Variants in EIPR1 observed in about 807,000 individuals in gnomAD.
EIPR1 encodes the protein EARP and GARP complex-interacting protein 1.
EIPR1 carries 25 observed loss-of-function variants against 48.1 expected under a neutral mutation model. The observed-to-expected ratio is 0.52, with a 90% CI of 0.38 to 0.73. EIPR1 has a LOEUF of 0.73. Ranked by LOEUF, EIPR1 falls within the 30% of genes least tolerant of loss-of-function variation. The pLI is 0.00. For missense variants in EIPR1, 415 were observed against 506.2 expected (o/e 0.82, Z 1.73); for synonymous variants, 204 against 201.9 (o/e 1.01, Z -0.09).
Position 3,257,643 on chromosome 2 carries a change from G to A in EIPR1, c.260-188C>T, listed in dbSNP as rs147043980. ...TGAGTCGGCAGGCAGAACCCGGCAC[G>A]GTTCGTAATCAGCATCCTGTTCCCC... On this transcript the variant is annotated intron_variant, in intron 3 of 8. Transcript: ENST00000382125. The A allele has an allele frequency of 9.7e-4, 521 of 539,128 alleles. 3 individuals are homozygous for A. Among genetic ancestry groups the A allele is most frequent in the Middle Eastern group, 2.0e-3 (4 of 2,000 alleles). The allele number at this position is 539,128 out of a possible 1,614,324, so 33.4% of individuals were successfully genotyped here.
At chr2:3,346,082 C>T (rs1297332277) in intron 2 of EIPR1, among the ~76,000 whole-genome samples, 1 of 152,238 alleles carries the variant, frequency 6.6e-6, no homozygotes, top group Admixed American at 6.5e-5. Context: ...GAAGTAGTGA[C>T]AGACACCCTG....
chr2:3,346,144 C>G (rs1050984286), intron 2 of EIPR1, among the ~76,000 whole-genome samples: 2 of 152,386 alleles, frequency 1.3e-5, no homozygotes, highest in Admixed American at 1.3e-4. Flanking sequence ...GGAGGGCCAC[C>G]ACTCGGGAGC....
At chr2:3,218,482 G>A (rs551490471) in intron 4 of EIPR1, among the ~76,000 whole-genome samples, 47 of 148,650 alleles carry the variant, frequency 3.2e-4, no homozygotes, top group African/African-American at 1.1e-3. Flanking sequence ...TGAGTCAGGT[G>A]CACACCCAGC....
intron 4 of EIPR1, among the ~76,000 whole-genome samples, chr2:3,218,362 TCA>T (rs1229505900): frequency 6.7e-6 from 1 of 149,392 alleles, no homozygotes; most frequent in East Asian, 2.0e-4. Context: ...TCTAGAGCTT[TCA>T]CAGTGAGTCA....
At chr2:3,200,292 C>T (rs1043567363) in intron 5 of EIPR1, among the ~76,000 whole-genome samples, 1 of 152,154 alleles carries the variant, frequency 6.6e-6, no homozygotes, top group African/African-American at 2.4e-5. Context: ...CAGGTCCCTG[C>T]CCAGCCTGGC....
intron 3 of EIPR1, among the ~76,000 whole-genome samples, chr2:3,268,175 T>C (rs1667550014): frequency 6.6e-6 from 1 of 152,082 alleles, no homozygotes; most frequent in Non-Finnish European, 1.5e-5. Flanking sequence ...ATCCAGAGAC[T>C]GGCACCCCAA....
At chr2:3,351,273 T>C (rs4854178) in intron 2 of EIPR1, among the ~76,000 whole-genome samples, 151,078 of 152,106 alleles carry the variant, frequency 0.99, 75,032 homozygotes, top group East Asian at 1. Flanking sequence ...AGTGCTGGGA[T>C]TACATGCGTG....
intron 3 of EIPR1, among the ~76,000 whole-genome samples, chr2:3,263,601 G>A (rs1667399783): frequency 6.6e-6 from 1 of 152,190 alleles, no homozygotes; most frequent in East Asian, 1.9e-4. Context: ...TAGGTGAGCC[G>A]GGTTCATGCA....
chr2:3,198,028 G>A (rs1664870655), intron 5 of EIPR1, among the ~76,000 whole-genome samples: 1 of 152,234 alleles, frequency 6.6e-6, no homozygotes, highest in South Asian at 2.1e-4. Flanking sequence ...GCCAGGGCAG[G>A]TTGGGTACCC....
chr2:3,319,704 C>CGG (rs1669439363), intron 3 of EIPR1: 1 of 180,452 alleles, frequency 5.5e-6, no homozygotes. Context: ...ACCACCCCTG[C>CGG]AGGCAACACC....
chr2:3,356,701 G>C (rs1355943694), intron 1 of EIPR1, among the ~76,000 whole-genome samples: 2 of 152,156 alleles, frequency 1.3e-5, no homozygotes, highest in Non-Finnish European at 2.9e-5. Flanking sequence ...TTATTTAATC[G>C]CATGGGTCAC....
rs532513030 is a variant in EIPR1 at position 3,361,360 on chromosome 2, AAGGAAACAGAGCCATCTCTGGCTTCC to A, written c.43-6753_43-6728del. On this transcript the variant is annotated intron_variant, in intron 1 of 8. Transcript: ENST00000382125. ...GAAAGAACTCACTTCACAGGTCCCC[AAGGAAACAGAGCCATCTCTGGCTTCC>A]AGGAAACCCCCATAGCAGCCATTCT... Among the ~76,000 whole-genome samples, 712 of 152,112 alleles carry A rather than the reference AAGGAAACAGAGCCATCTCTGGCTTCC, an allele frequency of 4.7e-3. 4 individuals are homozygous for A. Among genetic ancestry groups the A allele is most frequent in the African/African-American group, 0.016 (662 of 41,478 alleles).
intron 2 of EIPR1, chr2:3,353,161 G>A (rs1422241004): frequency 2.2e-6 from 1 of 450,954 alleles, no homozygotes. Context: ...TTACCTATAT[G>A]TAAGTATAGG....
intron 3 of EIPR1, chr2:3,318,775 G>A (rs1231775258): frequency 6.6e-6 from 3 of 456,252 alleles, no homozygotes; most frequent in Non-Finnish European, 1.4e-5. Flanking sequence ...AATACATCTG[G>A]TGACGTGCTA....
At chr2:3,255,777 C>T (rs575695870) in intron 4 of EIPR1, among the ~76,000 whole-genome samples, 100 of 152,318 alleles carry the variant, frequency 6.6e-4, no homozygotes, top group African/African-American at 2.1e-3. Flanking sequence ...TCCCTGGTGC[C>T]GGTGTCTCCT....
At chr2:3,218,387 A>C (rs1161534498) in intron 4 of EIPR1, among the ~76,000 whole-genome samples, 9 of 133,994 alleles carry the variant, frequency 6.7e-5, no homozygotes, top group East Asian at 2.4e-4. Context: ...TGCACACCCA[A>C]CATGGCCCTG....
At chr2:3,194,228 G>C (rs1358541043) in intron 6 of EIPR1, 62 bp from the exon 7 acceptor site, 1 of 1,587,398 alleles carries the variant, frequency 6.3e-7, no homozygotes, top group Middle Eastern at 1.7e-4. Flanking sequence ...GCCACTGCGT[G>C]CTGCGGGCAC....
chr2:3,201,830 G>A (rs1194298202), intron 5 of EIPR1, among the ~76,000 whole-genome samples: 2 of 152,296 alleles, frequency 1.3e-5, no homozygotes, highest in Middle Eastern at 3.4e-3. Context: ...GCAATGATTC[G>A]AGTGTACACA....
intron 1 of EIPR1, among the ~76,000 whole-genome samples, chr2:3,359,792 GTATAA>G (rs781399566): frequency 2.0e-5 from 3 of 152,302 alleles, no homozygotes; most frequent in South Asian, 2.1e-4. Context: ...AATTTTTATA[GTATAA>G]TATGTCAAAA....
Sources: gnomAD v4.1 joint callset for allele counts (sites outside exome capture counted in the v4.1 genomes callset) on GRCh38, gnomAD v4.1.1 for gene constraint, MANE v1.5 for transcripts, NCBI Gene and HGNC (gene_info 2026-07-23, HGNC 2026-07-21) for gene names.